The following RTL4 variants were observed in gnomAD, a reference collection of about 807,000 sequenced individuals.
RTL4 encodes retrotransposon Gag like 4.
In RTL4, 4 loss-of-function variants were observed where a neutral mutation model predicts 5.3. The observed-to-expected ratio is 0.75, with a 90% CI of 0.37 to 1.72. The LOEUF (loss-of-function observed/expected upper bound fraction) is 1.72, where lower values mean the gene tolerates loss of function less well. Among genes scored for constraint, RTL4 ranks in the 40% most tolerant of loss-of-function variants. RTL4 has a pLI of 0.04. For synonymous variants in RTL4, 98 were observed against 87.3 expected, an observed-to-expected ratio of 1.12 and a Z score of -0.68; for missense variants, 260 against 227.1, an observed-to-expected ratio of 1.14 and a Z score of -0.93.
chrX:112,274,888 TA>T, the RTL4 span, among the ~76,000 whole-genome samples: 1 of 112,006 alleles, frequency 8.9e-6, no homozygotes, highest in Non-Finnish European at 1.9e-5. Flanking sequence ...TAACTGAAAC[TA>T]GCAGAGTACA....
At chrX:112,298,477 T>A in the RTL4 span, among the ~76,000 whole-genome samples, 1 of 112,375 alleles carries the variant, frequency 8.9e-6, no homozygotes, top group Non-Finnish European at 1.9e-5. Context: ...GGATTCTTCT[T>A]CTCAGAATCC....
chrX:112,399,603 AT>A, the RTL4 span, among the ~76,000 whole-genome samples: 4 of 110,289 alleles, frequency 3.6e-5, no homozygotes, highest in East Asian at 1.1e-3. Context: ...CTAGTTTCCA[AT>A]TTTTTTTCTT....
the RTL4 span, among the ~76,000 whole-genome samples, chrX:112,329,313 A>C: frequency 2.7e-5 from 3 of 111,566 alleles, no homozygotes; most frequent in Admixed American, 9.6e-5. Flanking sequence ...GCAATAAAAA[A>C]TGATAAAGGG....
the RTL4 span, among the ~76,000 whole-genome samples, chrX:112,255,835 C>T: frequency 8.9e-6 from 1 of 112,000 alleles, no homozygotes; most frequent in Admixed American, 9.5e-5. Context: ...TGGATACTCT[C>T]TCTAGATGAG....
chrX:112,270,666 GCC>G, the RTL4 span, among the ~76,000 whole-genome samples: 1 of 111,172 alleles, frequency 9.0e-6, no homozygotes, highest in South Asian at 3.8e-4. Flanking sequence ...CTAGCAGACA[GCC>G]CTGTGGCAAT....
the RTL4 span, among the ~76,000 whole-genome samples, chrX:112,196,840 C>A: frequency 9.0e-6 from 1 of 110,976 alleles, no homozygotes; most frequent in Non-Finnish European, 1.9e-5. Flanking sequence ...TAGCGTTTTT[C>A]TTAAACTGTT....
At chrX:112,115,457 A>G in the RTL4 span, among the ~76,000 whole-genome samples, 1 of 111,702 alleles carries the variant, frequency 9.0e-6, no homozygotes, top group Non-Finnish European at 1.9e-5. Context: ...GGGGAGGGCC[A>G]TACCCTGAGG....
chrX:112,268,965 G>A, the RTL4 span, among the ~76,000 whole-genome samples: 2 of 112,051 alleles, frequency 1.8e-5, no homozygotes, highest in South Asian at 3.7e-4. Flanking sequence ...CCTTCCTGCC[G>A]TTTGAATGCA....
chrX:112,217,060 C>T, the RTL4 span, among the ~76,000 whole-genome samples: 1 of 111,706 alleles, frequency 9.0e-6, no homozygotes, highest in Non-Finnish European at 1.9e-5. Context: ...TAGAGGTTAG[C>T]ACTGGTTGAT....
the RTL4 span, among the ~76,000 whole-genome samples, chrX:112,085,850 G>A: frequency 3.0e-4 from 33 of 111,737 alleles, no homozygotes; most frequent in Non-Finnish European, 5.5e-4. Flanking sequence ...GTGAGGAAAC[G>A]ACATAAAAAG....
the RTL4 span, among the ~76,000 whole-genome samples, chrX:112,098,930 A>C: frequency 5.3e-5 from 6 of 112,201 alleles, no homozygotes; most frequent in South Asian, 3.7e-4. Context: ...CCATAAAAAC[A>C]CTAGAAGAAA....
chrX:112,187,703 T>A, the RTL4 span, among the ~76,000 whole-genome samples: 1 of 111,085 alleles, frequency 9.0e-6, no homozygotes, highest in African/African-American at 3.3e-5. Context: ...TCCCAATATA[T>A]CCCCCAGCCA....
At chrX:112,262,325 A>T in the RTL4 span, among the ~76,000 whole-genome samples, 1 of 112,138 alleles carries the variant, frequency 8.9e-6, no homozygotes, top group African/African-American at 3.2e-5. Context: ...AGAATCTACA[A>T]AGAACTCAAA....
chrX:112,230,332 T>A, the RTL4 span, among the ~76,000 whole-genome samples: 2 of 112,532 alleles, frequency 1.8e-5, no homozygotes, highest in Non-Finnish European at 3.8e-5. Context: ...CTGAGCCATG[T>A]GGGGGATATA....
At chrX:112,084,887 G>A in the RTL4 span, among the ~76,000 whole-genome samples, 2 of 112,094 alleles carry the variant, frequency 1.8e-5, no homozygotes, top group Admixed American at 9.4e-5. Context: ...TGTGGATAAG[G>A]TTAAAATTTC....
chrX:112,140,474 A>ATGTATTGC, the RTL4 span, among the ~76,000 whole-genome samples: 1 of 111,929 alleles, frequency 8.9e-6, no homozygotes, highest in African/African-American at 3.2e-5. Context: ...AGCAACAGAA[A>ATGTATTGC]TGTATTGCTC....
chrX:112,123,441 G>A, the RTL4 span, among the ~76,000 whole-genome samples: 18 of 112,173 alleles, frequency 1.6e-4, no homozygotes, highest in African/African-American at 5.8e-4. Flanking sequence ...AGCTTTTGTG[G>A]TTTGGGGTTT....
At chrX:112,347,981 C>G in the RTL4 span, among the ~76,000 whole-genome samples, 1 of 111,458 alleles carries the variant, frequency 9.0e-6, no homozygotes, top group Non-Finnish European at 1.9e-5. Flanking sequence ...GTCTCATAAA[C>G]TAAATGCTAA....
the RTL4 span, among the ~76,000 whole-genome samples, chrX:112,098,237 G>A: frequency 9.3e-6 from 1 of 107,425 alleles, no homozygotes; most frequent in Non-Finnish European, 1.9e-5. Context: ...GTGATAGTTT[G>A]CTGAGAATGA....
Sources: allele counts gnomAD v4.1 joint callset (sites outside exome capture counted in the v4.1 genomes callset), GRCh38; gene constraint gnomAD v4.1.1; transcripts MANE v1.5; gene names NCBI Gene and HGNC (gene_info 2026-07-23, HGNC 2026-07-21).